OR52I2: variants seen among roughly 807,000 people sequenced by gnomAD.
OR52I2 encodes olfactory receptor family 52 subfamily I member 2, also known as olfactory receptor 52I2.
For missense variants in OR52I2, 350 were observed against 402.4 expected (o/e 0.87, Z 1.11); for synonymous variants, 147 against 151.9 (o/e 0.97, Z 0.24).
chr11:4,586,496 A>T (rs575729314), intron 1 of OR52I2, among the ~76,000 whole-genome samples: 1 of 152,310 alleles, frequency 6.6e-6, no homozygotes, highest in Non-Finnish European at 1.5e-5. Context: ...ATAAGATCAT[A>T]AACAAGAGAC....
At chr11:4,585,248 G>T (rs550186705) in intron 1 of OR52I2, among the ~76,000 whole-genome samples, 71 of 152,136 alleles carry the variant, frequency 4.7e-4, no homozygotes, top group Non-Finnish European at 9.4e-4. Flanking sequence ...TGTGGTACAT[G>T]AAAGTATGCA....
chr11:4,587,636 T>G (rs1240555919), exon 2 of OR52I2: 15 of 1,614,130 alleles, frequency 9.3e-6, no homozygotes, highest in African/African-American at 5.3e-5. Context: ...GGCTCCCATG[T>G]GGGGGTTATG....
At chr11:4,587,588 C>T (rs756259008) in exon 2 of OR52I2, 15 of 1,613,956 alleles carry the variant, frequency 9.3e-6, no homozygotes, top group Middle Eastern at 1.6e-4. Context: ...TTTGGTCTCT[C>T]CTCAAAGACT....
At chr11:4,582,059 G>A (rs1406332196) in intron 1 of OR52I2, among the ~76,000 whole-genome samples, 195 bp downstream of exon 1, 2 of 152,218 alleles carry the variant, frequency 1.3e-5, no homozygotes, top group African/African-American at 2.4e-5. Context: ...GGGAGGTGGA[G>A]AGGGAACGGA....
At chr11:4,586,975 C>T (rs1374740129) in exon 2 of OR52I2, 1 of 1,614,194 alleles carries the variant, frequency 6.2e-7, no homozygotes, top group East Asian at 2.2e-5. Flanking sequence ...ATCTTCACAT[C>T]TTTGGCTGGC....
chr11:4,583,396 G>T (rs1846275344), intron 1 of OR52I2, among the ~76,000 whole-genome samples: 1 of 152,182 alleles, frequency 6.6e-6, no homozygotes, highest in Non-Finnish European at 1.5e-5. Flanking sequence ...AATTTACACA[G>T]GGCAGCCAGG....
At chr11:4,592,328 G>A (rs1407804587) in exon 2 of OR52I2, 1 of 152,110 alleles carries the variant, frequency 6.6e-6, no homozygotes, top group Admixed American at 6.6e-5. Flanking sequence ...GCTAGCAAGC[G>A]ATAGAGTAGG....
Position 4,587,357 on chromosome 11 carries a change from C to G in OR52I2, c.467C>G (p.Ala156Gly), listed in dbSNP as rs540114451. ...ATGAGTATGGCCATCACCATCAGAG[C>G]TATCATAGCCATAACTCCACTGAGT... Residue 156 changes from alanine (A) to glycine (G), a missense_variant, in exon 2 of 2, where the codon GCT becomes GGT. Coordinates refer to ENST00000641896, the Ensembl canonical transcript of OR52I2. 6 of 1,613,196 alleles carry G rather than the reference C, an allele frequency of 3.7e-6. No homozygotes were observed. In the African/African-American group the frequency reaches 6.7e-5, roughly 18 times the overall value.
exon 2 of OR52I2, chr11:4,591,734 G>C (rs1245200759): frequency 2.0e-5 from 3 of 152,150 alleles, no homozygotes. Context: ...TCCTTAATCT[G>C]AATTCAGTTT....
At chr11:4,583,677 G>A (rs1338492224) in intron 1 of OR52I2, among the ~76,000 whole-genome samples, 8 of 152,150 alleles carry the variant, frequency 5.3e-5, no homozygotes, top group African/African-American at 1.9e-4. Context: ...CTGTGATGTG[G>A]AGCTCACTAC....
exon 2 of OR52I2, chr11:4,587,792 C>A (rs748795282): frequency 1.2e-6 from 2 of 1,614,114 alleles, no homozygotes; most frequent in Admixed American, 3.3e-5. Context: ...GGCATGAGGA[C>A]CAAACAACTG....
exon 2 of OR52I2, chr11:4,587,537 C>T (rs1205014347): frequency 1.2e-6 from 2 of 1,614,126 alleles, no homozygotes; most frequent in Admixed American, 3.3e-5. Flanking sequence ...TCTGATGTGG[C>T]CTTCATTGCT....
At chr11:4,590,493 T>C (rs1344922723) in exon 2 of OR52I2, 1 of 152,080 alleles carries the variant, frequency 6.6e-6, no homozygotes, top group Non-Finnish European at 1.5e-5. Context: ...GAAACGTAAA[T>C]GGAGATTAAA....
intron 1 of OR52I2, among the ~76,000 whole-genome samples, chr11:4,585,141 G>A (rs985434795): frequency 3.3e-5 from 5 of 152,102 alleles, no homozygotes; most frequent in African/African-American, 9.7e-5. Context: ...GTGATAGAGT[G>A]GATTTTTAAG....
intron 1 of OR52I2, among the ~76,000 whole-genome samples, chr11:4,586,127 G>A (rs1349528258): frequency 6.6e-6 from 1 of 152,100 alleles, no homozygotes; most frequent in Non-Finnish European, 1.5e-5. Flanking sequence ...GATATTCAGG[G>A]CAAAGTTTAG....
exon 2 of OR52I2, chr11:4,590,783 C>A (rs1405114681): frequency 6.6e-6 from 1 of 152,208 alleles, no homozygotes; most frequent in East Asian, 1.9e-4. Flanking sequence ...CTCTTCACTA[C>A]CGTTCTACTT....
chr11:4,592,733 T>G (rs1170963117), exon 2 of OR52I2: 1 of 152,210 alleles, frequency 6.6e-6, no homozygotes, highest in Non-Finnish European at 1.5e-5. Context: ...CCCACTTAGA[T>G]TGTTACATAT....
chr11:4,585,095 G>A (rs968282247), intron 1 of OR52I2, among the ~76,000 whole-genome samples: 18 of 152,118 alleles, frequency 1.2e-4, no homozygotes, highest in African/African-American at 1.7e-4. Context: ...GGCTTGGTGC[G>A]TTTACATAAT....
In OR52I2 at chr11:4,587,438, G is replaced by A. The variant is rs1846314228; in HGVS notation, c.548G>A (p.Cys183Tyr). Residue 183 changes from cysteine (C) to tyrosine (Y), a missense_variant, in exon 2 of 2, where the codon TGT becomes TAT. Cys to Tyr is a radical substitution (Grantham distance 194). Transcript: ENST00000641896. Reference sequence around the variant, plus strand: ...TCCAATGTGGTTGTCCACTCCTACTGTGAGCACATAGCTTTGGCCAGGTTA... The same window carrying A: ...TCCAATGTGGTTGTCCACTCCTACTATGAGCACATAGCTTTGGCCAGGTTA... 3 of 1,614,038 alleles carry A rather than the reference G, an allele frequency of 1.9e-6. No individual in the cohort carries two copies. The highest frequency in any genetic ancestry group is 2.5e-6 in the Non-Finnish European group (3 of 1,180,012).
Sources: allele counts gnomAD v4.1 joint callset (sites outside exome capture counted in the v4.1 genomes callset), GRCh38; gene constraint gnomAD v4.1.1; transcripts MANE v1.5; gene names NCBI Gene and HGNC (gene_info 2026-07-23, HGNC 2026-07-21).